Variants in CSMD1 observed in about 807,000 individuals in gnomAD.
CSMD1 encodes the protein CUB and sushi domain-containing protein 1.
CSMD1 carries 213 observed loss-of-function variants against 417.5 expected under a neutral mutation model. That is an observed-to-expected ratio of 0.51 (90% CI 0.46 to 0.57). The LOEUF is 0.57. Among genes scored for constraint, CSMD1 ranks in the 20% least tolerant of loss-of-function variants. The pLI is 0.00. For missense variants in CSMD1, 6,923 were observed against 4,529.7 expected, an observed-to-expected ratio of 1.53 and a Z score of -15.17; for synonymous variants, 2,862 against 1,736.8, an observed-to-expected ratio of 1.65 and a Z score of -16.11.
chr8:3,778,777 T>C (rs1406820262), intron 5 of CSMD1, among the ~76,000 whole-genome samples: 3 of 152,242 alleles, frequency 2.0e-5, no homozygotes, highest in Admixed American at 1.3e-4. Context: ...TTGGGTATCA[T>C]GGAGCCTTGT....
chr8:3,064,015 G>A (rs1488887598), intron 49 of CSMD1, among the ~76,000 whole-genome samples: 1 of 152,062 alleles, frequency 6.6e-6, no homozygotes. Flanking sequence ...AGTTAGATAG[G>A]GAACATTAAG....
chr8:3,646,896 G>A (rs17066739), intron 7 of CSMD1, among the ~76,000 whole-genome samples: 2 of 152,094 alleles, frequency 1.3e-5, no homozygotes, highest in African/African-American at 2.4e-5. Context: ...TAGTTTTGAT[G>A]AGTAGGCTTA....
rs373332401 is a variant in CSMD1 at position 3,214,081 on chromosome 8, C to A, written c.4867+416G>T. 2.4e-4 allele frequency among the ~76,000 whole-genome samples: 36 copies of A among 151,936 alleles called. No homozygotes were observed. The East Asian group carries it at 4.7e-3, about 20-fold the overall frequency. ...GGCTGGTCTCGAACTCCTAACCTCGCGATCCACTCGCCTCAGCCTCTTGAA... is the reference window on the plus strand; with the variant it reads ...GGCTGGTCTCGAACTCCTAACCTCGAGATCCACTCGCCTCAGCCTCTTGAA... On this transcript the variant is annotated intron_variant, in intron 30 of 69. Transcript: ENST00000635120.
chr8:4,096,126 A>G (rs918940635), intron 3 of CSMD1, among the ~76,000 whole-genome samples: 7 of 152,124 alleles, frequency 4.6e-5, no homozygotes, highest in Admixed American at 4.6e-4. Flanking sequence ...AAAAACATCC[A>G]GGGTCCTAGA....
chr8:4,232,770 T>G (rs1424142446), intron 3 of CSMD1, among the ~76,000 whole-genome samples: 1 of 152,208 alleles, frequency 6.6e-6, no homozygotes, highest in Non-Finnish European at 1.5e-5. Context: ...GTTAAAACCC[T>G]AATTGACGTT....
intron 10 of CSMD1, among the ~76,000 whole-genome samples, chr8:3,567,573 G>C (rs1309468014): frequency 6.6e-6 from 1 of 151,602 alleles, no homozygotes. Context: ...GAAGGAAAGG[G>C]AAGGGAAAGG....
chr8:4,366,996 G>GT (rs1802112600), intron 3 of CSMD1, among the ~76,000 whole-genome samples: 1 of 152,116 alleles, frequency 6.6e-6, no homozygotes, highest in Non-Finnish European at 1.5e-5. Context: ...TCTGGAGGTT[G>GT]TCTGCTTACT....
At chr8:4,915,306 C>G (rs1805976529) in intron 1 of CSMD1, among the ~76,000 whole-genome samples, 1 of 152,152 alleles carries the variant, frequency 6.6e-6, no homozygotes, top group African/African-American at 2.4e-5. Context: ...AGCAGACTTT[C>G]CCGTGTGGAT....
At chr8:4,661,428 T>G (rs1804600378) in intron 1 of CSMD1, among the ~76,000 whole-genome samples, 1 of 152,214 alleles carries the variant, frequency 6.6e-6, no homozygotes, top group African/African-American at 2.4e-5. Flanking sequence ...TATAACATTT[T>G]TGAAGTGACA....
At chr8:3,826,944 A>G (rs145559698) in intron 5 of CSMD1, among the ~76,000 whole-genome samples, 2 of 151,804 alleles carry the variant, frequency 1.3e-5, no homozygotes, top group African/African-American at 2.4e-5. Flanking sequence ...GTGCCTAGCT[A>G]TTTTTTTAAA....
intron 3 of CSMD1, among the ~76,000 whole-genome samples, chr8:4,054,901 G>T: frequency 6.6e-6 from 1 of 152,084 alleles, no homozygotes; most frequent in Non-Finnish European, 1.5e-5. Context: ...GTCTGCCTGT[G>T]CCCTGAGCTC....
chr8:2,975,836 G>C (rs1656428239), intron 55 of CSMD1, among the ~76,000 whole-genome samples: 1 of 152,104 alleles, frequency 6.6e-6, no homozygotes, highest in South Asian at 2.1e-4. Flanking sequence ...ATGACACCAA[G>C]CGGAGTGAAC....
chr8:4,952,073 T>A (rs2117288181), intron 1 of CSMD1, among the ~76,000 whole-genome samples: 1 of 151,726 alleles, frequency 6.6e-6, no homozygotes, highest in Admixed American at 6.6e-5. Flanking sequence ...TGTAAGCAAA[T>A]ATGCTGCTAT....
intron 39 of CSMD1, among the ~76,000 whole-genome samples, chr8:3,152,842 A>T (rs1312292522): frequency 6.6e-6 from 1 of 152,196 alleles, no homozygotes; most frequent in African/African-American, 2.4e-5. Flanking sequence ...GAATGTGCGG[A>T]AGACACACCA....
chr8:4,586,569 A>T (rs1554518726), intron 2 of CSMD1, among the ~76,000 whole-genome samples: 4 of 151,930 alleles, frequency 2.6e-5, no homozygotes, highest in Non-Finnish European at 5.9e-5. Flanking sequence ...CCTTTTTAGC[A>T]TTTTTTTTGA....
chr8:4,797,464 TATTATGTTGGCGCAAAAGTC>T (rs1385263848), intron 1 of CSMD1, among the ~76,000 whole-genome samples: 1 of 152,180 alleles, frequency 6.6e-6, no homozygotes, highest in Non-Finnish European at 1.5e-5. Context: ...GTCATGTTTT[TATTATGTTGGCGCAAAAGTC>T]ATTGTGGTCT....
intron 2 of CSMD1, among the ~76,000 whole-genome samples, chr8:4,588,586 A>G (rs1799821275): frequency 6.6e-6 from 1 of 151,704 alleles, no homozygotes; most frequent in Non-Finnish European, 1.5e-5. Flanking sequence ...GCAGATCGAG[A>G]CCATCCTGGT....
intron 26 of CSMD1, among the ~76,000 whole-genome samples, chr8:3,275,155 C>A (rs548591807): frequency 6.6e-6 from 1 of 152,128 alleles, no homozygotes; most frequent in Non-Finnish European, 1.5e-5. Context: ...ATTTGCTTGT[C>A]TGTAAAGTAT....
At chr8:3,189,101 G>T (rs898027995) in intron 34 of CSMD1, 90 bp from the exon 35 acceptor site, 3 of 1,255,282 alleles carry the variant, frequency 2.4e-6, no homozygotes, top group Admixed American at 2.4e-5. Context: ...TGACCACACA[G>T]TAAGAGAAAA....
Sources: gnomAD v4.1 joint callset for allele counts (sites outside exome capture counted in the v4.1 genomes callset) on GRCh38, gnomAD v4.1.1 for gene constraint, MANE v1.5 for transcripts, NCBI Gene and HGNC (gene_info 2026-07-23, HGNC 2026-07-21) for gene names.